FRMPD2: variants seen among roughly 807,000 people sequenced by gnomAD.
The protein encoded by FRMPD2 is FERM and PDZ domain-containing protein 2.
A neutral mutation model predicts 140.1 loss-of-function variants in FRMPD2; 96 were observed. The ratio of observed to expected loss-of-function variants is 0.69; its 90% CI spans 0.58 to 0.81. The LOEUF is 0.81. Among genes scored for constraint, FRMPD2 ranks in the 40% least tolerant of loss-of-function variants. The pLI is 0.00. For missense variants in FRMPD2, 1,240 were observed against 1,447.4 expected (o/e 0.86, Z 2.32); for synonymous variants, 449 against 547.6 (o/e 0.82, Z 2.52).
At chr10:48,260,103 G>C (rs1001916620) in intron 1 of FRMPD2, among the ~76,000 whole-genome samples, 1 of 151,930 alleles carries the variant, frequency 6.6e-6, no homozygotes, top group Non-Finnish European at 1.5e-5. Context: ...AAATGGAAAA[G>C]AGTAGAAAAA....
chr10:48,271,501 T>C (rs953711446), intron 1 of FRMPD2, among the ~76,000 whole-genome samples: 3 of 152,350 alleles, frequency 2.0e-5, no homozygotes, highest in Middle Eastern at 3.4e-3. Context: ...GCACCAGCCC[T>C]CCTGGAACTG....
chr10:48,220,677 G>T (rs1222211365), intron 12 of FRMPD2, among the ~76,000 whole-genome samples: 1 of 152,170 alleles, frequency 6.6e-6, no homozygotes, highest in Non-Finnish European at 1.5e-5. Flanking sequence ...GAAAATCTTT[G>T]CAATCTATAC....
At chr10:48,226,443 T>C (rs1015506512) in intron 10 of FRMPD2, among the ~76,000 whole-genome samples, 2 of 152,232 alleles carry the variant, frequency 1.3e-5, no homozygotes, top group Non-Finnish European at 2.9e-5. Flanking sequence ...ATGTGAATCT[T>C]CTAGGGAAGT....
intron 21 of FRMPD2, 121 bp from the exon 22 acceptor site, chr10:48,178,272 G>T: frequency 1.5e-6 from 1 of 680,060 alleles, no homozygotes; most frequent in Non-Finnish European, 2.6e-6. Flanking sequence ...TTTGGATTGG[G>T]CCAGCAGGGG....
chr10:48,244,694 C>T, intron 4 of FRMPD2, 90 bp downstream of exon 4: 2 of 943,092 alleles, frequency 2.1e-6, no homozygotes, highest in East Asian at 4.9e-5. Context: ...ATTATGTGTG[C>T]TCAGTAAATG....
intron 23 of FRMPD2, 56 bp from the exon 24 acceptor site, chr10:48,175,011 C>T: frequency 1.4e-6 from 1 of 703,304 alleles, no homozygotes; most frequent in Non-Finnish European, 2.4e-6. Flanking sequence ...GCAGGAGGTT[C>T]CCTTCCAGGA....
At chr10:48,171,660 C>T (rs1838261728) in intron 25 of FRMPD2, among the ~76,000 whole-genome samples, 2 of 152,170 alleles carry the variant, frequency 1.3e-5, no homozygotes, top group Admixed American at 1.3e-4. Flanking sequence ...CATATTTTAT[C>T]CATTTAGATT....
At chr10:48,171,618 C>G (rs1462331712) in intron 25 of FRMPD2, among the ~76,000 whole-genome samples, 4 of 152,240 alleles carry the variant, frequency 2.6e-5, no homozygotes, top group Non-Finnish European at 2.9e-5. Flanking sequence ...ATTTTTTATT[C>G]TTCTTACGAA....
intron 20 of FRMPD2, among the ~76,000 whole-genome samples, chr10:48,181,632 A>T (rs1241985112): frequency 6.6e-6 from 1 of 152,032 alleles, no homozygotes; most frequent in Non-Finnish European, 1.5e-5. Context: ...GTGACCTGGC[A>T]TAGAACAAAG....
Position 48,201,292 on chromosome 10 carries a change from G to T in FRMPD2, c.1890C>A (p.Leu630=), listed in dbSNP as rs758696928. Residue 630 remains leucine (L), a synonymous_variant, in exon 15 of 29, where the codon CTC becomes CTA. Transcript: ENST00000374201. ...CATTAAACCCATGCTGGGCTGAGCA[G>T]AGGTCCAGTAAGTATTTACTGGTCT... ...SAKTSKYLLD[L]CSAQHGFNAQ... 1.2e-6 allele frequency: 2 copies of T among 1,613,906 alleles called. No individual in the cohort carries two copies. Among genetic ancestry groups the T allele is most frequent in the South Asian group, 2.2e-5 (2 of 91,074 alleles).
At position 48,187,345 on chromosome 10, in the gene FRMPD2, T is replaced by C. The variant is rs1838714336; in HGVS notation, c.2166-53A>G. ...TAAGGTGGCCCACGGGGAAGGACAG[T>C]GAGGTTAGATAAGGTGGCTCAGGGA... On this transcript the variant is annotated intron_variant, in intron 16 of 28. Coordinates refer to ENST00000374201, the MANE Select transcript of FRMPD2 (RefSeq NM_001018071.4). 3.3e-6 allele frequency: 5 copies of C among 1,526,398 alleles called. No individual in the cohort carries two copies. The South Asian group carries it at 5.7e-5, about 17-fold the overall frequency. 94.6% of individuals were successfully genotyped at this position (1,526,398 alleles called of 1,614,324 possible).
rs1349580920 is a variant in FRMPD2 at position 48,160,363 on chromosome 10, A to C, written c.3881+2965T>G. On this transcript the variant is annotated intron_variant, in intron 28 of 28. Coordinates refer to ENST00000374201, the MANE Select transcript of FRMPD2 (RefSeq NM_001018071.4). ...TGCTGGCAGCCATCTGGCTGTAGGA[A>C]GTTGCCACCTGGCAGATGGTAAGTT... Among the ~76,000 whole-genome samples the C allele has an allele frequency of 2.0e-5, 3 of 151,570 alleles. 1 individual carries two copies. Among genetic ancestry groups the C allele is most frequent in the Non-Finnish European group, 2.9e-5 (2 of 67,910 alleles).
At chr10:48,190,531 C>T (rs556267391) in intron 16 of FRMPD2, among the ~76,000 whole-genome samples, 1 of 152,312 alleles carries the variant, frequency 6.6e-6, no homozygotes, top group East Asian at 1.9e-4. Flanking sequence ...CTCTCTCTCT[C>T]ACTCCTTCTT....
At chr10:48,256,427 A>G (rs993760493) in intron 1 of FRMPD2, among the ~76,000 whole-genome samples, 24 of 152,180 alleles carry the variant, frequency 1.6e-4, no homozygotes, top group African/African-American at 5.6e-4. Context: ...GACTGACTAT[A>G]TAGTGGCTTT....
chr10:48,265,623 A>G (rs944747169), intron 1 of FRMPD2, among the ~76,000 whole-genome samples: 8 of 152,344 alleles, frequency 5.3e-5, no homozygotes, highest in African/African-American at 1.7e-4. Context: ...GAAAAGTTCA[A>G]TATCACTGAT....
intron 20 of FRMPD2, among the ~76,000 whole-genome samples, chr10:48,182,865 G>A (rs1444172406): frequency 6.6e-6 from 1 of 152,358 alleles, no homozygotes. Context: ...GACTGCTCCT[G>A]TCAGTGGAGG....
rs115196473 is a variant in FRMPD2, at chr10:48,232,154, G to C, written c.1129C>G (p.Leu377Val). The part of the protein sequence containing the change: ...VFNAVTSFAN[L>V]EELTYFGLAY... ...AAGCCAAAGTAGGTGAGTTCCTCGAGGTTGGCAAAGGATGTCACGGCATTG... is the reference window on the plus strand; with the variant it reads ...AAGCCAAAGTAGGTGAGTTCCTCGACGTTGGCAAAGGATGTCACGGCATTG... Residue 377 changes from leucine (L) to valine (V), a missense_variant, in exon 10 of 29, where the codon CTC becomes GTC. Physicochemically the swap from Leu to Val is conservative, Grantham distance 32 (BLOSUM62 1). Coordinates refer to ENST00000374201, the MANE Select transcript of FRMPD2 (RefSeq NM_001018071.4). The C allele has an allele frequency of 4.3e-6, 7 of 1,614,172 alleles. No individual in the cohort carries two copies. The African/African-American group carries it at 9.3e-5, about 22-fold the overall frequency.
chr10:48,262,183 A>C (rs984695375), intron 1 of FRMPD2, among the ~76,000 whole-genome samples: 12 of 152,206 alleles, frequency 7.9e-5, no homozygotes, highest in African/African-American at 2.9e-4. Flanking sequence ...AGATTAAAAA[A>C]TAAAACCCAG....
At position 48,242,312 on chromosome 10, in the gene FRMPD2, G is replaced by C. The variant is rs1193470946; in HGVS notation, c.416C>G (p.Thr139Ser). 1.2e-6 allele frequency: 2 copies of C among 1,613,948 alleles called. No individual in the cohort carries two copies. The highest frequency in any genetic ancestry group is 1.3e-5 in the African/African-American group (1 of 74,914). Residue 139 changes from threonine (T) to serine (S), a missense_variant, in exon 5 of 29, where the codon ACC (threonine) becomes AGC (serine). By Grantham distance (58) the Thr-to-Ser change is moderately conservative. Coordinates refer to ENST00000374201, the MANE Select transcript of FRMPD2 (RefSeq NM_001018071.4). ...LCEPLHSILL[T>S]MCEDQPHRRC... Reference sequence around the variant, plus strand: ...CCTGTGAGGCTGGTCTTCACACATGGTCAGCAGGATGGAGTGCAGGGGCTC... The same window carrying C: ...CCTGTGAGGCTGGTCTTCACACATGCTCAGCAGGATGGAGTGCAGGGGCTC...
Sources: gnomAD v4.1 joint callset for allele counts (sites outside exome capture counted in the v4.1 genomes callset) on GRCh38, gnomAD v4.1.1 for gene constraint, MANE v1.5 for transcripts, NCBI Gene and HGNC (gene_info 2026-07-23, HGNC 2026-07-21) for gene names.